Variants in PIP5K1B observed in about 807,000 individuals in gnomAD.
PIP5K1B encodes the protein phosphatidylinositol-4-phosphate 5-kinase type 1 beta.
In PIP5K1B, 42 loss-of-function variants were observed where a neutral mutation model predicts 67.0. That is an observed-to-expected ratio of 0.63 (90% CI 0.49 to 0.81). The LOEUF (loss-of-function observed/expected upper bound fraction) is 0.81, where lower values mean the gene tolerates loss of function less well. Ranked by LOEUF, PIP5K1B falls within the 30% of genes least tolerant of loss-of-function variation. The probability of loss-of-function intolerance (pLI) is 0.00; values close to 1 mark genes in which losing one functional copy is unlikely to be tolerated. For synonymous variants in PIP5K1B, 214 were observed against 231.4 expected (o/e 0.92, Z 0.68); for missense variants, 459 against 646.3 (o/e 0.71, Z 3.14).
intron 2 of PIP5K1B, among the ~76,000 whole-genome samples, chr9:68,803,348 G>A (rs1179748303): frequency 6.6e-6 from 1 of 152,228 alleles, no homozygotes; most frequent in Non-Finnish European, 1.5e-5. Flanking sequence ...GTAGGTTGCA[G>A]TTAAACCCAT....
rs536277161 is a variant in PIP5K1B, at chr9:68,752,525, C to A, written c.-86+9868C>A. 5.7e-4 allele frequency among the ~76,000 whole-genome samples: 86 copies of A among 151,816 alleles called. 1 individual carries two copies. Among genetic ancestry groups the A allele is most frequent in the African/African-American group, 1.9e-3 (79 of 41,412 alleles). On this transcript the variant is annotated intron_variant, in intron 2 of 15. Coordinates refer to ENST00000265382, the MANE Select transcript of PIP5K1B (RefSeq NM_003558.4). ...TTCCTTTCTTTTTCTTTCTTTCCCT[C>A]CCTTGCTGTCTGCCTTGCTCCTTCT...
rs1158515475 is a variant in PIP5K1B at position 68,944,395 on chromosome 9, T to C, written c.1502+3605T>C. On this transcript the variant is annotated intron_variant, in intron 14 of 15. Coordinates refer to ENST00000265382, the MANE Select transcript of PIP5K1B (RefSeq NM_003558.4). ...AATATTTTCATGATTTCCTGCGTAG[T>C]TGGTAGCAAAGCCAAAGCTCTGGTT... Among the ~76,000 whole-genome samples, 4 of 152,256 alleles carry C rather than the reference T, an allele frequency of 2.6e-5. No homozygotes were observed. The East Asian group carries it at 7.7e-4, about 29-fold the overall frequency.
At chr9:68,775,516 G>T (rs1222083661) in intron 2 of PIP5K1B, among the ~76,000 whole-genome samples, 1 of 152,194 alleles carries the variant, frequency 6.6e-6, no homozygotes, top group Non-Finnish European at 1.5e-5. Flanking sequence ...TGACTAATGG[G>T]CAGGGAGCAT....
At chr9:68,790,918 A>T (rs1831930426) in intron 2 of PIP5K1B, among the ~76,000 whole-genome samples, 1 of 152,094 alleles carries the variant, frequency 6.6e-6, no homozygotes, top group Non-Finnish European at 1.5e-5. Context: ...TCCTTTTTGA[A>T]TTTCTAGAAT....
intron 2 of PIP5K1B, among the ~76,000 whole-genome samples, chr9:68,752,629 G>T (rs760519435): frequency 6.6e-6 from 1 of 151,628 alleles, no homozygotes; most frequent in Non-Finnish European, 1.5e-5. Flanking sequence ...CTAGGGGACT[G>T]CAAAGCCCAT....
chr9:68,767,296 A>C (rs1202851106), intron 2 of PIP5K1B, among the ~76,000 whole-genome samples: 2 of 152,364 alleles, frequency 1.3e-5, no homozygotes, highest in East Asian at 3.9e-4. Flanking sequence ...ACCATCAGAT[A>C]GAATTTAGCA....
intron 1 of PIP5K1B, among the ~76,000 whole-genome samples, chr9:68,720,194 G>C (rs930327242): frequency 6.6e-6 from 1 of 152,242 alleles, no homozygotes; most frequent in East Asian, 1.9e-4. Flanking sequence ...TGACTTCTGA[G>C]CTCCCCCTTC....
intron 2 of PIP5K1B, among the ~76,000 whole-genome samples, chr9:68,770,466 T>C (rs1247426451): frequency 6.6e-6 from 1 of 152,138 alleles, no homozygotes; most frequent in East Asian, 1.9e-4. Context: ...CTAGAATAAT[T>C]TGAGTATTGA....
intron 4 of PIP5K1B, among the ~76,000 whole-genome samples, chr9:68,839,565 T>C (rs1336240356): frequency 6.6e-6 from 1 of 152,196 alleles, no homozygotes; most frequent in Non-Finnish European, 1.5e-5. Context: ...TAATCCTCTG[T>C]GGGAAAAAGT....
chr9:68,921,966 C>T (rs1587670481), intron 11 of PIP5K1B, among the ~76,000 whole-genome samples: 1 of 152,206 alleles, frequency 6.6e-6, no homozygotes, highest in South Asian at 2.1e-4. Flanking sequence ...TGTTTTCAGA[C>T]ATGGCTCTTA....
intron 4 of PIP5K1B, among the ~76,000 whole-genome samples, chr9:68,851,275 G>C (rs986293120): frequency 1.3e-5 from 2 of 152,126 alleles, no homozygotes; most frequent in African/African-American, 4.8e-5. Context: ...TTGTTAAAAG[G>C]CTGCTTGATA....
intron 13 of PIP5K1B, among the ~76,000 whole-genome samples, 177 bp downstream of exon 13, chr9:68,935,222 T>C (rs1827191121): frequency 6.6e-6 from 1 of 152,180 alleles, no homozygotes; most frequent in Non-Finnish European, 1.5e-5. Context: ...ATCCTTACAC[T>C]TTGGGAGGCC....
chr9:68,855,989 A>G (rs1462537763), intron 4 of PIP5K1B, among the ~76,000 whole-genome samples: 2 of 152,214 alleles, frequency 1.3e-5, no homozygotes, highest in African/African-American at 2.4e-5. Context: ...TCTGGAGGTC[A>G]AAAGTTCTAA....
intron 8 of PIP5K1B, among the ~76,000 whole-genome samples, chr9:68,911,767 C>T (rs1185465074): frequency 1.3e-5 from 2 of 152,100 alleles, no homozygotes; most frequent in Admixed American, 1.3e-4. Context: ...CCTGTAGTTC[C>T]AGCCACTCGG....
intron 14 of PIP5K1B, among the ~76,000 whole-genome samples, chr9:68,982,875 T>C (rs1829944716): frequency 1.3e-5 from 2 of 152,196 alleles, no homozygotes; most frequent in Admixed American, 1.3e-4. Context: ...GTTATCTCCT[T>C]ACTCTTTTGA....
At chr9:68,862,275 G>A (rs1463657518) in intron 4 of PIP5K1B, among the ~76,000 whole-genome samples, 1 of 152,118 alleles carries the variant, frequency 6.6e-6, no homozygotes, top group Non-Finnish European at 1.5e-5. Flanking sequence ...ATATTAATCT[G>A]GCTCTGTATA....
intron 14 of PIP5K1B, among the ~76,000 whole-genome samples, chr9:68,961,991 T>C (rs1250842998): frequency 6.6e-6 from 1 of 152,230 alleles, no homozygotes. Flanking sequence ...TTCCCAATGC[T>C]TCTAATTCTT....
chr9:68,714,105 G>A lies in PIP5K1B; in HGVS notation c.-243+8343G>A, dbSNP rs558486563. Among the ~76,000 whole-genome samples, 11 of 152,286 alleles carry A rather than the reference G, an allele frequency of 7.2e-5. 1 individual carries two copies. The South Asian group carries it at 1.9e-3, about 26-fold the overall frequency. The stretch of plus-strand genomic sequence containing the variant: ...GAGTTTTAAAAAGGAGAACATAAGC[G>A]AATCTAAAATTTATATCTCCAAACT... On this transcript the variant is annotated intron_variant, in intron 1 of 15. Transcript: ENST00000265382.
intron 2 of PIP5K1B, among the ~76,000 whole-genome samples, chr9:68,771,266 T>A (rs1830658899): frequency 6.6e-6 from 1 of 152,238 alleles, no homozygotes; most frequent in African/African-American, 2.4e-5. Flanking sequence ...TTGGGACAAA[T>A]AGGGCATTTA....
Sources: allele counts gnomAD v4.1 joint callset (sites outside exome capture counted in the v4.1 genomes callset), GRCh38; gene constraint gnomAD v4.1.1; transcripts MANE v1.5; gene names NCBI Gene and HGNC (gene_info 2026-07-23, HGNC 2026-07-21).